KDELR2: variants seen among roughly 807,000 people sequenced by gnomAD.
KDELR2 encodes the protein ER lumen protein-retaining receptor 2.
KDELR2 carries 15 observed loss-of-function variants against 23.9 expected under a neutral mutation model. The ratio of observed to expected loss-of-function variants is 0.63; its 90% CI spans 0.42 to 0.97. The LOEUF (loss-of-function observed/expected upper bound fraction) is 0.97, where lower values mean the gene tolerates loss of function less well. Among genes scored for constraint, KDELR2 ranks in the 50% least tolerant of loss-of-function variants. The probability of loss-of-function intolerance (pLI) is 0.00; values close to 1 mark genes in which losing one functional copy is unlikely to be tolerated. For synonymous variants in KDELR2, 119 were observed against 106.2 expected (o/e 1.12, Z -0.74); for missense variants, 272 against 254.6 (o/e 1.07, Z -0.46).
At chr7:6,471,776 G>C (rs542247434) in intron 2 of KDELR2, among the ~76,000 whole-genome samples, 1 of 152,288 alleles carries the variant, frequency 6.6e-6, no homozygotes, top group South Asian at 2.1e-4. Flanking sequence ...TTTCTAATTT[G>C]GGAGGACAGT....
intron 1 of KDELR2, among the ~76,000 whole-genome samples, chr7:6,479,768 C>A (rs1186679263): frequency 6.6e-6 from 1 of 152,212 alleles, no homozygotes; most frequent in Non-Finnish European, 1.5e-5. Context: ...TGAGCCACCA[C>A]GCCCAGCCAA....
intron 1 of KDELR2, among the ~76,000 whole-genome samples, chr7:6,478,762 C>A (rs928730628): frequency 5.9e-5 from 9 of 152,048 alleles, no homozygotes; most frequent in African/African-American, 2.2e-4. Flanking sequence ...TCTTCTATGT[C>A]CATCAGCAAA....
In KDELR2 at chr7:6,463,099, C is replaced by T. The variant is rs771475262; in HGVS notation, c.*42G>A. The T allele has an allele frequency of 7.4e-6, 12 of 1,613,964 alleles. No individual in the cohort carries two copies. The highest frequency in any genetic ancestry group is 1.7e-5 in the Admixed American group (1 of 59,984). On this transcript the variant is annotated 3_prime_UTR_variant, in exon 5 of 5. Transcript: ENST00000258739. Reference sequence around the variant, plus strand: ...CCTTTGCTGTGGTAAGAATTCTGTCCGAGCACCCTGAAGGACAGATGCTGG... The same window carrying T: ...CCTTTGCTGTGGTAAGAATTCTGTCTGAGCACCCTGAAGGACAGATGCTGG...
rs553877230 is a variant in KDELR2, at chr7:6,470,667, G to A, written c.193-913C>T. Reference sequence around the variant, plus strand: ...GCTATATTTGTTATTGTTTGTTTTTGAACTTTATGGTAGTAGGAGGTACTC... The same window carrying A: ...GCTATATTTGTTATTGTTTGTTTTTAAACTTTATGGTAGTAGGAGGTACTC... On this transcript the variant is annotated intron_variant, in intron 2 of 4. Transcript: ENST00000258739. 9.0e-4 allele frequency among the ~76,000 whole-genome samples: 137 copies of A among 152,208 alleles called. 1 individual carries two copies. Among genetic ancestry groups the A allele is most frequent in the East Asian group, 9.6e-4 (5 of 5,190 alleles).
At chr7:6,483,319 A>G (rs1411886378) in intron 1 of KDELR2, among the ~76,000 whole-genome samples, 2 of 151,854 alleles carry the variant, frequency 1.3e-5, no homozygotes, top group Non-Finnish European at 2.9e-5. Context: ...ATCACTGACG[A>G]CCTCTCGGCA....
At chr7:6,478,958 T>C (rs1785819242) in intron 1 of KDELR2, among the ~76,000 whole-genome samples, 1 of 151,810 alleles carries the variant, frequency 6.6e-6, no homozygotes, top group Non-Finnish European at 1.5e-5. Context: ...CCGGGTAACT[T>C]TTTTGTAATT....
chr7:6,470,649 T>G (rs1785612026), intron 2 of KDELR2, among the ~76,000 whole-genome samples: 1 of 152,224 alleles, frequency 6.6e-6, no homozygotes, highest in Non-Finnish European at 1.5e-5. Context: ...CCTGCTATAT[T>G]TGTTATTGTT....
At chr7:6,467,408 G>C (rs373952243) in intron 3 of KDELR2, among the ~76,000 whole-genome samples, 7 of 152,240 alleles carry the variant, frequency 4.6e-5, no homozygotes, top group African/African-American at 1.7e-4. Flanking sequence ...TCTGCCCAGC[G>C]TATGACTTTA....
intron 1 of KDELR2, among the ~76,000 whole-genome samples, chr7:6,478,852 G>A (rs959783994): frequency 1.3e-5 from 2 of 151,960 alleles, no homozygotes; most frequent in Admixed American, 6.6e-5. Context: ...GCAGTGGTGC[G>A]ATCTCGGCTC....
chr7:6,471,519 G>A (rs1785641534), intron 2 of KDELR2, among the ~76,000 whole-genome samples: 1 of 152,046 alleles, frequency 6.6e-6, no homozygotes, highest in South Asian at 2.1e-4. Context: ...GGTGTTTTGG[G>A]GACCGGAAAT....
At chr7:6,482,027 GGTTTCGCTCTC>G (rs1312274583) in intron 1 of KDELR2, among the ~76,000 whole-genome samples, 53 of 150,864 alleles carry the variant, frequency 3.5e-4, no homozygotes, top group African/African-American at 1.3e-3. Context: ...ATTTAGAGAC[GGTTTCGCTCTC>G]GTTGCCCAGG....
intron 1 of KDELR2, among the ~76,000 whole-genome samples, chr7:6,483,456 G>A (rs1316693370): frequency 6.6e-6 from 1 of 152,170 alleles, no homozygotes; most frequent in Non-Finnish European, 1.5e-5. Flanking sequence ...GGCAGGGTGG[G>A]GAGCCGAGTG....
chr7:6,465,554 T>G (rs745586502), intron 4 of KDELR2, among the ~76,000 whole-genome samples: 2 of 152,128 alleles, frequency 1.3e-5, no homozygotes, highest in African/African-American at 2.4e-5. Context: ...CGTCCTATGT[T>G]CATACAAATG....
chr7:6,471,600 T>C (rs950682438), intron 2 of KDELR2, among the ~76,000 whole-genome samples: 5 of 152,200 alleles, frequency 3.3e-5, no homozygotes, highest in African/African-American at 1.2e-4. Context: ...GTATGTTGTT[T>C]CACTTCAAGT....
chr7:6,467,558 C>G (rs1302773082), intron 3 of KDELR2, among the ~76,000 whole-genome samples: 1 of 152,054 alleles, frequency 6.6e-6, no homozygotes, highest in Non-Finnish European at 1.5e-5. Flanking sequence ...ATCAGGAATT[C>G]AAGACCAGCC....
chr7:6,470,717 A>G (rs545032988), intron 2 of KDELR2, among the ~76,000 whole-genome samples: 1 of 152,274 alleles, frequency 6.6e-6, no homozygotes, highest in Admixed American at 6.5e-5. Flanking sequence ...TTGTAAACAT[A>G]TACTTCTTGA....
At chr7:6,468,474 G>A (rs755607175) in intron 3 of KDELR2, among the ~76,000 whole-genome samples, 37 of 151,952 alleles carry the variant, frequency 2.4e-4, no homozygotes, top group South Asian at 2.1e-4. Flanking sequence ...GATTACAGGC[G>A]TGCGATACCA....
At chr7:6,469,243 C>T (rs975424991) in intron 3 of KDELR2, among the ~76,000 whole-genome samples, 6 of 151,738 alleles carry the variant, frequency 4.0e-5, no homozygotes, top group Admixed American at 6.6e-5. Context: ...TGAGCCACTA[C>T]GCCCAGCCAT....
chr7:6,464,857 C>T (rs1785468214), intron 4 of KDELR2, among the ~76,000 whole-genome samples: 2 of 151,118 alleles, frequency 1.3e-5, no homozygotes, highest in South Asian at 4.2e-4. Flanking sequence ...TGCCTCAGCC[C>T]CCCAAGTAGC....
Sources: gnomAD v4.1 joint callset for allele counts (sites outside exome capture counted in the v4.1 genomes callset) on GRCh38, gnomAD v4.1.1 for gene constraint, MANE v1.5 for transcripts, NCBI Gene and HGNC (gene_info 2026-07-23, HGNC 2026-07-21) for gene names.